PAPPA: variants seen among roughly 807,000 people sequenced by gnomAD.
PAPPA encodes the protein pappalysin-1.
A neutral mutation model predicts 164.0 loss-of-function variants in PAPPA; 60 were observed. The observed-to-expected ratio is 0.37, with a 90% CI of 0.30 to 0.45. PAPPA has a LOEUF of 0.45. PAPPA is among the 20% of genes least tolerant of loss of function. The pLI is 1.00. For missense variants in PAPPA, 1,782 were observed against 2,087.3 expected, an observed-to-expected ratio of 0.85 and a Z score of 2.85; for synonymous variants, 875 against 814.1, an observed-to-expected ratio of 1.07 and a Z score of -1.27.
At chr9:116,395,399 C>G (rs575434241) in intron 21 of PAPPA, among the ~76,000 whole-genome samples, 1 of 152,324 alleles carries the variant, frequency 6.6e-6, no homozygotes, top group East Asian at 1.9e-4. Flanking sequence ...TCTGAGACTA[C>G]GTGACCACTT....
At chr9:116,312,302 T>TG (rs1238101518) in intron 10 of PAPPA, among the ~76,000 whole-genome samples, 1 of 151,004 alleles carries the variant, frequency 6.6e-6, no homozygotes, top group Admixed American at 6.6e-5. Flanking sequence ...TTTTTTTTTT[T>TG]TTTGTTATTG....
intron 17 of PAPPA, among the ~76,000 whole-genome samples, chr9:116,354,317 G>T (rs988199631): frequency 1.9e-4 from 29 of 152,138 alleles, no homozygotes; most frequent in Non-Finnish European, 3.4e-4. Flanking sequence ...TCTGCTGAAG[G>T]AATTTTCTTC....
chr9:116,361,575 C>A (rs1375090956), intron 17 of PAPPA, among the ~76,000 whole-genome samples: 1 of 152,226 alleles, frequency 6.6e-6, no homozygotes, highest in Non-Finnish European at 1.5e-5. Flanking sequence ...CAATTCCATG[C>A]ATCCTTGAAA....
At chr9:116,391,658 A>G (rs974780977) in intron 21 of PAPPA, among the ~76,000 whole-genome samples, 1 of 152,218 alleles carries the variant, frequency 6.6e-6, no homozygotes, top group African/African-American at 2.4e-5. Flanking sequence ...CATGTGCCGG[A>G]GCACCATCTC....
Position 116,187,102 on chromosome 9 carries a change from C to T in PAPPA, c.416-52C>T. 1.5e-6 allele frequency: 2 copies of T among 1,304,818 alleles called. No individual in the cohort carries two copies. Among genetic ancestry groups the T allele is most frequent in the South Asian group, 1.3e-5 (1 of 78,624 alleles). 80.8% of individuals were successfully genotyped at this position (1,304,818 alleles called of 1,614,324 possible). On this transcript the variant is annotated intron_variant, in intron 1 of 21. Coordinates refer to ENST00000328252, the MANE Select transcript of PAPPA (RefSeq NM_002581.5). The surrounding 1 kb of genome is among the most constrained non-coding windows in gnomAD (Gnocchi z 4.2). Reference sequence around the variant, plus strand: ...TATTAGAGAAAAATAACTTAACCCCCCCTCCTTTTCCATCCTTTATTTATT... The same window carrying T: ...TATTAGAGAAAAATAACTTAACCCCTCCTCCTTTTCCATCCTTTATTTATT...
Position 116,352,861 on chromosome 9 carries a change from A to G in PAPPA, c.4120A>G (p.Lys1374Glu), listed in dbSNP as rs746693167. 1 of 1,614,150 alleles carries G rather than the reference A, an allele frequency of 6.2e-7. No individual in the cohort carries two copies. The highest frequency in any genetic ancestry group is 8.5e-7 in the Non-Finnish European group (1 of 1,180,018). Residue 1374 changes from lysine to glutamate, a missense_variant, in exon 16 of 22, where the codon AAA (lysine) becomes GAA (glutamate). By Grantham distance (56) the Lys-to-Glu change is moderately conservative. Around this residue, in one of 2 missense-constraint regions of PAPPA, gnomAD observed 1,324 missense variants for 1,656.9 expected, o/e 0.80. Transcript: ENST00000328252. ...TAAGCACAAGGTGGGCTCCTTCTGC[A>G]AATACAAATGCAAGCCTGGATACCA... ...ENKHKVGSFCKYKCKPGYHVP... is the reference protein window; with the variant it reads ...ENKHKVGSFCEYKCKPGYHVP...
chr9:116,172,461 C>G (rs189668882), intron 1 of PAPPA, among the ~76,000 whole-genome samples: 1 of 152,186 alleles, frequency 6.6e-6, no homozygotes, highest in African/African-American at 2.4e-5. Context: ...GTACTAGACA[C>G]AGTAGCCACA....
At chr9:116,186,892 A>C (rs1843977122) in intron 1 of PAPPA, among the ~76,000 whole-genome samples, 1 of 152,220 alleles carries the variant, frequency 6.6e-6, no homozygotes, top group Non-Finnish European at 1.5e-5. Flanking sequence ...ATTCAAAACC[A>C]ATAAAAGTTA....
At chr9:116,364,295 A>G (rs866158765) in intron 18 of PAPPA, among the ~76,000 whole-genome samples, 10 of 152,208 alleles carry the variant, frequency 6.6e-5, no homozygotes, top group Admixed American at 1.3e-4. Context: ...TGTGAGAAAA[A>G]GCCTAATTAA....
chr9:116,290,696 C>T (rs993915408), intron 9 of PAPPA, among the ~76,000 whole-genome samples: 1 of 151,760 alleles, frequency 6.6e-6, no homozygotes, highest in African/African-American at 2.4e-5. Flanking sequence ...TCCTTCCTTT[C>T]TCTCTCTCTT....
chr9:116,235,214 C>G lies in PAPPA; in HGVS notation c.2309C>G (p.Thr770Arg). The change falls in exon 7 of 22, where the codon ACG becomes AGG. Residue 770 changes from threonine (T) to arginine (R), a missense_variant. Transcript: ENST00000328252. ...WSPNSAVNPH[T>R]VPPACPEPQG... ...CCAAATTCAGCTGTCAACCCACACACGGTTCCTCCAGCCTGCCCTGAGCCT... is the reference window on the plus strand; with the variant it reads ...CCAAATTCAGCTGTCAACCCACACAGGGTTCCTCCAGCCTGCCCTGAGCCT... 6.2e-7 allele frequency: 1 copy of G among 1,614,158 alleles called. No individual in the cohort carries two copies. The highest frequency in any genetic ancestry group is 8.5e-7 in the Non-Finnish European group (1 of 1,180,014).
At chr9:116,160,345 G>A (rs1007721558) in intron 1 of PAPPA, among the ~76,000 whole-genome samples, 1 of 151,962 alleles carries the variant, frequency 6.6e-6, no homozygotes, top group Admixed American at 6.5e-5. Context: ...TGGAACCATG[G>A]TGGTCCCCAT....
chr9:116,352,082 A>AGT (rs1846289389), intron 15 of PAPPA, among the ~76,000 whole-genome samples: 1 of 152,210 alleles, frequency 6.6e-6, no homozygotes, highest in Admixed American at 6.5e-5. Context: ...ACTCTGTCAG[A>AGT]GCTGGCATGG....
chr9:116,207,660 C>A (rs1036925739), intron 3 of PAPPA, 59 bp downstream of exon 3: 4 of 1,247,822 alleles, frequency 3.2e-6, no homozygotes, highest in African/African-American at 1.5e-5. Flanking sequence ...ACACTTAGTG[C>A]GATGATGATC....
At chr9:116,272,837 G>A (rs1309808986) in intron 9 of PAPPA, among the ~76,000 whole-genome samples, 3 of 152,204 alleles carry the variant, frequency 2.0e-5, no homozygotes, top group Non-Finnish European at 2.9e-5. Context: ...CAACTGTGCT[G>A]AGAACTTACA....
chr9:116,176,363 T>G (rs1329024019), intron 1 of PAPPA, among the ~76,000 whole-genome samples: 1 of 152,238 alleles, frequency 6.6e-6, no homozygotes, highest in African/African-American at 2.4e-5. Flanking sequence ...AATCTGGTGA[T>G]GCTTCACAGG....
intron 10 of PAPPA, among the ~76,000 whole-genome samples, chr9:116,327,606 C>A (rs191542035): frequency 6.6e-6 from 1 of 151,606 alleles, no homozygotes; most frequent in African/African-American, 2.4e-5. Flanking sequence ...AAAACACAGG[C>A]GGATGAAAAC....
At chr9:116,302,631 G>A in intron 9 of PAPPA, 126 bp from the exon 10 acceptor site, 2 of 667,570 alleles carry the variant, frequency 3.0e-6, no homozygotes, top group South Asian at 4.2e-5. Flanking sequence ...AGTCCATCGT[G>A]ACTAATGTGA....
At chr9:116,165,442 T>C (rs1387978684) in intron 1 of PAPPA, among the ~76,000 whole-genome samples, 1 of 152,216 alleles carries the variant, frequency 6.6e-6, no homozygotes, top group Non-Finnish European at 1.5e-5. Flanking sequence ...CAATCAGTCA[T>C]CAACTCCTGA....
Sources: allele counts gnomAD v4.1 joint callset (sites outside exome capture counted in the v4.1 genomes callset), GRCh38; gene constraint gnomAD v4.1.1; regional missense constraint gnomAD v4.1.1; non-coding constraint Gnocchi (gnomAD v3.1); transcripts MANE v1.5; gene names NCBI Gene and HGNC (gene_info 2026-07-23, HGNC 2026-07-21).